CPPED1: variants seen among roughly 807,000 people sequenced by gnomAD.
CPPED1 encodes calcineurin like phosphoesterase domain containing 1, also known as serine/threonine-protein phosphatase CPPED1.
CPPED1 carries 28 observed loss-of-function variants against 28.0 expected under a neutral mutation model. The ratio of observed to expected loss-of-function variants is 1.00; its 90% CI spans 0.74 to 1.37. The LOEUF is 1.37. CPPED1 is among the 40% of genes most tolerant of loss of function. CPPED1 has a pLI of 0.00. For missense variants in CPPED1, 504 were observed against 416.5 expected (o/e 1.21, Z -1.83); for synonymous variants, 198 against 180.2 (o/e 1.10, Z -0.79).
At chr16:12,674,072 C>T (rs764925738) in intron 3 of CPPED1, among the ~76,000 whole-genome samples, 6 of 151,972 alleles carry the variant, frequency 3.9e-5, no homozygotes, top group Non-Finnish European at 5.9e-5. Flanking sequence ...TAAAAAATAA[C>T]GATGAGAGAA....
chr16:12,664,840 TA>T lies in CPPED1; in HGVS notation c.*45del. On this transcript the variant is annotated 3_prime_UTR_variant, in exon 4 of 4. Transcript: ENST00000381774. This position sits in a 1 kb window ranked among gnomAD's most constrained non-coding sequence, Gnocchi z 4.2. ...TGTGCAGCTGCTGTTTCTGGCAAAATAAAAAAATAGTGCAAGTGAAAAGTGA... is the reference window on the plus strand; with the variant it reads ...TGTGCAGCTGCTGTTTCTGGCAAAATAAAAAATAGTGCAAGTGAAAAGTGA... The T allele has an allele frequency of 1.9e-6, 3 of 1,605,864 alleles. No individual in the cohort carries two copies. Among genetic ancestry groups the T allele is most frequent in the Admixed American group, 3.5e-5 (2 of 57,120 alleles).
chr16:12,725,819 T>C (rs1423361577), intron 2 of CPPED1, among the ~76,000 whole-genome samples: 1 of 152,206 alleles, frequency 6.6e-6, no homozygotes, highest in East Asian at 1.9e-4. Context: ...ATTTCACATA[T>C]ATTTCATCTT....
intron 3 of CPPED1, among the ~76,000 whole-genome samples, chr16:12,666,072 T>C (rs1173476666): frequency 6.6e-6 from 1 of 152,146 alleles, no homozygotes; most frequent in Non-Finnish European, 1.5e-5. Flanking sequence ...GCCTACATCG[T>C]GCCACCGCAC....
rs952204816 is a variant in CPPED1, at chr16:12,774,320, T to C, written c.289+6865A>G. Among the ~76,000 whole-genome samples, 7 of 151,898 alleles carry C rather than the reference T, an allele frequency of 4.6e-5. No individual in the cohort carries two copies. In the East Asian group the frequency reaches 1.4e-3, roughly 29 times the overall value. On this transcript the variant is annotated intron_variant, in intron 2 of 3. Transcript: ENST00000381774. Reference sequence around the variant, plus strand: ...CCATCTCTACTAAAATTACAAAAATTAGCCAGGTGTGGTGGCAGGCGCCTG... The same window carrying C: ...CCATCTCTACTAAAATTACAAAAATCAGCCAGGTGTGGTGGCAGGCGCCTG...
chr16:12,666,558 A>G (rs1363914079), intron 3 of CPPED1, among the ~76,000 whole-genome samples: 2 of 152,212 alleles, frequency 1.3e-5, no homozygotes, highest in African/African-American at 2.4e-5. Flanking sequence ...ACATTTGTCA[A>G]TTTCCATGGT....
intron 2 of CPPED1, among the ~76,000 whole-genome samples, chr16:12,768,113 C>T (rs2080449802): frequency 6.6e-6 from 1 of 152,204 alleles, no homozygotes. Flanking sequence ...TTGACAACCT[C>T]TCTCTGGCTG....
At chr16:12,719,432 A>G (rs1005302734) in intron 2 of CPPED1, among the ~76,000 whole-genome samples, 2 of 150,468 alleles carry the variant, frequency 1.3e-5, no homozygotes, top group East Asian at 3.9e-4. Context: ...AACCGCCCCC[A>G]TGATTCAATT....
Position 12,767,504 on chromosome 16 carries a change from C to G in CPPED1, c.289+13681G>C, listed in dbSNP as rs182877666. Among the ~76,000 whole-genome samples, 270 of 152,306 alleles carry G rather than the reference C, an allele frequency of 1.8e-3. 3 individuals carry two copies. The highest frequency in any genetic ancestry group is 6.0e-3 in the African/African-American group (250 of 41,574). On this transcript the variant is annotated intron_variant, in intron 2 of 3. Coordinates refer to ENST00000381774, the MANE Select transcript of CPPED1 (RefSeq NM_018340.3). ...AACCATCACCAGGTCCTTGAAGGAT[C>G]TGATGAGAGCTGTGGACCTTCTCCC...
chr16:12,745,456 G>A (rs2080280929), intron 2 of CPPED1, among the ~76,000 whole-genome samples: 1 of 152,142 alleles, frequency 6.6e-6, no homozygotes, highest in African/African-American at 2.4e-5. Context: ...TAAAGAAAAT[G>A]TGGTCCATAT....
chr16:12,753,853 G>A (rs920253200), intron 2 of CPPED1: 1 of 152,028 alleles, frequency 6.6e-6, no homozygotes, highest in African/African-American at 2.4e-5. Context: ...ATCCTATCTG[G>A]TGACCGATCC....
chr16:12,768,706 CA>C (rs1223149817), intron 2 of CPPED1, among the ~76,000 whole-genome samples: 2 of 152,108 alleles, frequency 1.3e-5, no homozygotes, highest in Non-Finnish European at 2.9e-5. Context: ...TGATATTTAG[CA>C]TTTCCTTCTA....
At chr16:12,760,982 T>G (rs1401411233) in intron 2 of CPPED1, 1 of 152,136 alleles carries the variant, frequency 6.6e-6, no homozygotes, top group African/African-American at 2.4e-5. Context: ...CATCTTAGGC[T>G]GGCTGTCATT....
chr16:12,761,023 AG>A (rs2141226555), intron 2 of CPPED1: 1 of 129,182 alleles, frequency 7.7e-6, no homozygotes, highest in African/African-American at 5.1e-5. Context: ...TGTCTTCTTC[AG>A]TTCCTGTTTC....
intron 3 of CPPED1, among the ~76,000 whole-genome samples, chr16:12,673,834 G>A (rs540717417): frequency 1.3e-5 from 2 of 152,116 alleles, no homozygotes; most frequent in Non-Finnish European, 1.5e-5. Flanking sequence ...ATCGCTTGGG[G>A]CCAGGAGTTG....
At chr16:12,687,302 A>G (rs76442585) in intron 3 of CPPED1, among the ~76,000 whole-genome samples, 2,272 of 152,304 alleles carry the variant, frequency 0.015, 49 homozygotes, top group African/African-American at 0.051. Flanking sequence ...AACATCTTGT[A>G]AGATCTGTCT....
intron 3 of CPPED1, among the ~76,000 whole-genome samples, chr16:12,674,370 G>A (rs1036009414): frequency 3.3e-5 from 5 of 152,190 alleles, no homozygotes; most frequent in Non-Finnish European, 5.9e-5. Flanking sequence ...GAGATGTTGA[G>A]CTGGAAAATG....
intron 3 of CPPED1, among the ~76,000 whole-genome samples, chr16:12,694,023 T>C (rs1167877078): frequency 6.6e-6 from 1 of 152,168 alleles, no homozygotes; most frequent in Admixed American, 6.6e-5. Flanking sequence ...CTGGCCAACA[T>C]GGTGAAACCC....
At chr16:12,799,327 C>A (rs972725693) in intron 1 of CPPED1, among the ~76,000 whole-genome samples, 1 of 150,498 alleles carries the variant, frequency 6.6e-6, no homozygotes, top group Non-Finnish European at 1.5e-5. Context: ...CTTACTGCAA[C>A]CTCCGCCTCT....
intron 2 of CPPED1, among the ~76,000 whole-genome samples, chr16:12,778,482 G>T (rs1046085597): frequency 2.0e-5 from 3 of 151,974 alleles, no homozygotes; most frequent in African/African-American, 7.2e-5. Flanking sequence ...CACCATGTTG[G>T]CCAGGCTGGT....
Sources: gnomAD v4.1 joint callset for allele counts (sites outside exome capture counted in the v4.1 genomes callset) on GRCh38, gnomAD v4.1.1 for gene constraint, Gnocchi (gnomAD v3.1) non-coding constraint, MANE v1.5 for transcripts, NCBI Gene and HGNC (gene_info 2026-07-23, HGNC 2026-07-21) for gene names.